ADAMTS17: variants seen among roughly 807,000 people sequenced by gnomAD.
ADAMTS17 encodes the protein ADAM metallopeptidase with thrombospondin type 1 motif 17.
Under a neutral mutation model 141.5 loss-of-function variants are expected in ADAMTS17, and 113 were observed. The ratio of observed to expected loss-of-function variants is 0.80; its 90% CI spans 0.69 to 0.93. The LOEUF (loss-of-function observed/expected upper bound fraction) is 0.93, where lower values mean the gene tolerates loss of function less well. ADAMTS17 is among the 40% of genes least tolerant of loss of function. The pLI, the probability that ADAMTS17 is intolerant of heterozygous loss-of-function variation, is 0.00. For missense variants in ADAMTS17, 1,659 were observed against 1,517.9 expected, an observed-to-expected ratio of 1.09 and a Z score of -1.54; for synonymous variants, 768 against 630.6, an observed-to-expected ratio of 1.22 and a Z score of -3.27.
At chr15:100,260,727 A>G (rs925701181) in intron 6 of ADAMTS17, among the ~76,000 whole-genome samples, 1 of 152,202 alleles carries the variant, frequency 6.6e-6, no homozygotes, top group African/African-American at 2.4e-5. Flanking sequence ...CCACAACTTT[A>G]CTTCCAAATT....
At chr15:100,079,305 C>T (rs2034580457) in intron 15 of ADAMTS17, among the ~76,000 whole-genome samples, 1 of 152,158 alleles carries the variant, frequency 6.6e-6, no homozygotes, top group Non-Finnish European at 1.5e-5. Flanking sequence ...ATCCAAATAC[C>T]AATCAACCAA....
intron 4 of ADAMTS17, among the ~76,000 whole-genome samples, chr15:100,263,561 A>G (rs2043604226): frequency 1.3e-5 from 2 of 152,346 alleles, no homozygotes; most frequent in South Asian, 4.1e-4. Context: ...AAAACCTGGA[A>G]TAAGGCGAAG....
At chr15:100,164,738 G>A (rs778197501) in intron 8 of ADAMTS17, among the ~76,000 whole-genome samples, 1 of 152,092 alleles carries the variant, frequency 6.6e-6, no homozygotes, top group Admixed American at 6.5e-5. Context: ...CTTTATTCCC[G>A]TTCTTTCTCT....
At chr15:100,307,514 G>A (rs1431725199) in intron 3 of ADAMTS17, among the ~76,000 whole-genome samples, 1 of 152,208 alleles carries the variant, frequency 6.6e-6, no homozygotes, top group Non-Finnish European at 1.5e-5. Context: ...CATATTACCT[G>A]ATGGGCTTTT....
At chr15:100,300,954 G>A (rs1453794365) in intron 3 of ADAMTS17, among the ~76,000 whole-genome samples, 2 of 152,174 alleles carry the variant, frequency 1.3e-5, no homozygotes, top group Non-Finnish European at 2.9e-5. Flanking sequence ...TCATTTAATT[G>A]TTCTGTGTTT....
chr15:100,155,202 C>G lies in ADAMTS17; in HGVS notation c.1300G>C (p.Asp434His). The change falls in exon 9 of 22, where the codon GAT (aspartate) becomes CAT (histidine). Residue 434 changes from aspartate (D) to histidine (H), a missense_variant. Physicochemically the swap from Asp to His is moderately conservative, Grantham distance 81. Transcript: ENST00000268070. Reference protein sequence around the residue: ...SDLSWSSCSRDDLENFLKSKV... With the variant: ...SDLSWSSCSRHDLENFLKSKV... ...TACTTGAGGAAGTTTTCAAGGTCAT[C>G]TCGGCTGCAGGAGGACCAAGAGAGG... 6.2e-7 allele frequency: 1 copy of G among 1,614,234 alleles called. No homozygotes were observed. Among genetic ancestry groups the G allele is most frequent in the Non-Finnish European group, 8.5e-7 (1 of 1,180,056 alleles).
chr15:100,271,192 A>T (rs1436858866), intron 4 of ADAMTS17, among the ~76,000 whole-genome samples: 2 of 152,168 alleles, frequency 1.3e-5, no homozygotes, highest in Non-Finnish European at 2.9e-5. Context: ...ATGGTGAATA[A>T]TCCTGCTATG....
chr15:100,219,857 TC>T (rs143959616), intron 7 of ADAMTS17, among the ~76,000 whole-genome samples: 6,649 of 152,278 alleles, frequency 0.044, 287 homozygotes, highest in African/African-American at 0.11. Flanking sequence ...TAGTTCCTTT[TC>T]TTCCTTTAAT....
At position 100,152,486 on chromosome 15, in the gene ADAMTS17, C is replaced by G. The variant is rs116434170; in HGVS notation, c.1473+126G>C. On this transcript the variant is annotated intron_variant, in intron 10 of 21. Coordinates refer to ENST00000268070, the MANE Select transcript of ADAMTS17 (RefSeq NM_139057.4). ...CGTGTGTGTGCATATACATGTATAC[C>G]TGTGCTTGTGTGTGTATGTGCCTGT... The G allele has an allele frequency of 3.6e-3, 4,568 of 1,262,858 alleles. 116 individuals carry two copies. In the African/African-American group the frequency reaches 0.055, roughly 15 times the overall value. 78.2% of individuals were successfully genotyped at this position (1,262,858 alleles called of 1,614,324 possible).
intron 14 of ADAMTS17, among the ~76,000 whole-genome samples, chr15:100,104,832 T>C (rs926257902): frequency 1.3e-5 from 2 of 152,230 alleles, no homozygotes; most frequent in African/African-American, 4.8e-5. Context: ...CATTCACAAA[T>C]GCCACAGGAA....
intron 15 of ADAMTS17, among the ~76,000 whole-genome samples, chr15:100,067,055 A>G (rs1332028317): frequency 7.0e-6 from 1 of 143,162 alleles, no homozygotes; most frequent in Non-Finnish European, 1.5e-5. Flanking sequence ...TCTCAGCAGT[A>G]TTCCTTCAAC....
At chr15:100,295,799 C>T (rs939227330) in intron 3 of ADAMTS17, among the ~76,000 whole-genome samples, 2 of 152,190 alleles carry the variant, frequency 1.3e-5, no homozygotes, top group African/African-American at 4.8e-5. Flanking sequence ...CACAAGCTGA[C>T]ATAGAGAAGG....
At chr15:100,076,961 A>G (rs975915587) in intron 15 of ADAMTS17, among the ~76,000 whole-genome samples, 2 of 152,034 alleles carry the variant, frequency 1.3e-5, no homozygotes, top group African/African-American at 4.8e-5. Flanking sequence ...TTATATATCT[A>G]CTCACCTACT....
chr15:100,196,754 G>A (rs2041133677), intron 8 of ADAMTS17, among the ~76,000 whole-genome samples: 1 of 152,208 alleles, frequency 6.6e-6, no homozygotes, highest in Non-Finnish European at 1.5e-5. Context: ...GTGCAGGTTG[G>A]TCTTGGCCTT....
intron 8 of ADAMTS17, among the ~76,000 whole-genome samples, chr15:100,192,176 C>G (rs1383387127): frequency 6.6e-6 from 1 of 152,216 alleles, no homozygotes; most frequent in African/African-American, 2.4e-5. Context: ...GCAGAGGAAA[C>G]GTATTCAGGA....
rs776070367 is a variant in ADAMTS17, at chr15:100,133,231, C to T, written c.1558G>A (p.Glu520Lys). ...GAGGTTACCTTGTCTGCCCCACACT[C>T]GGTGCCATCCAGGGGAGGGTCCAGC... ...TKLDPPLDGTECGADKWCRAG... is the reference protein window; with the variant it reads ...TKLDPPLDGTKCGADKWCRAG... The change falls in exon 11 of 22, where the codon GAG becomes AAG. Residue 520 changes from glutamate to lysine, a missense_variant. Physicochemically the swap from Glu to Lys is moderately conservative, Grantham distance 56. Coordinates refer to ENST00000268070, the MANE Select transcript of ADAMTS17 (RefSeq NM_139057.4). The T allele has an allele frequency of 2.8e-5, 45 of 1,594,642 alleles. No homozygotes were observed. The Middle Eastern group carries it at 5.6e-4, about 20-fold the overall frequency.
Position 100,133,313 on chromosome 15 carries a change from A to C in ADAMTS17, c.1476T>G (p.His492Gln). The change falls in exon 11 of 22, where the codon CAT becomes CAG. Residue 492 changes from histidine to glutamine, a missense_variant and splice_region_variant. Coordinates refer to ENST00000268070, the MANE Select transcript of ADAMTS17 (RefSeq NM_139057.4). ...MNATFCRNME[H>Q]LMCAGLWCLV... is the part of the protein sequence containing the mutation. ...GGCACCACAGTCCAGCACACATTAG[A>C]TGCTGCAGGACAAGGGAAGGAACCA... 1 of 1,580,952 alleles carries C rather than the reference A, an allele frequency of 6.3e-7. No homozygotes were observed. The highest frequency in any genetic ancestry group is 8.6e-7 in the Non-Finnish European group (1 of 1,160,484).
chr15:100,311,587 A>C (rs1042716333), intron 3 of ADAMTS17, among the ~76,000 whole-genome samples: 2 of 152,208 alleles, frequency 1.3e-5, no homozygotes, highest in African/African-American at 4.8e-5. Flanking sequence ...CCAGGGGAGA[A>C]CTGGGAAGAG....
At chr15:100,183,243 C>A (rs2040587627) in intron 8 of ADAMTS17, among the ~76,000 whole-genome samples, 1 of 152,140 alleles carries the variant, frequency 6.6e-6, no homozygotes, top group Admixed American at 6.5e-5. Context: ...CCTGCCTTGG[C>A]CTCCCCCAAA....
Sources: allele counts gnomAD v4.1 joint callset (sites outside exome capture counted in the v4.1 genomes callset), GRCh38; gene constraint gnomAD v4.1.1; transcripts MANE v1.5; gene names NCBI Gene and HGNC (gene_info 2026-07-23, HGNC 2026-07-21).